TULP3: variants seen among roughly 807,000 people sequenced by gnomAD.
The protein encoded by TULP3 is tubby-related protein 3.
TULP3 carries 38 observed loss-of-function variants against 50.7 expected under a neutral mutation model. The ratio of observed to expected loss-of-function variants is 0.75; its 90% CI spans 0.58 to 0.98. The LOEUF (loss-of-function observed/expected upper bound fraction) is 0.98, where lower values mean the gene tolerates loss of function less well. Ranked by LOEUF, TULP3 falls within the 50% of genes least tolerant of loss-of-function variation. The probability of loss-of-function intolerance (pLI) is 0.00; values close to 1 mark genes in which losing one functional copy is unlikely to be tolerated. For synonymous variants in TULP3, 183 were observed against 196.6 expected (o/e 0.93, Z 0.58); for missense variants, 550 against 568.0 (o/e 0.97, Z 0.32).
chr12:2,898,396 C>T (rs2098176814), intron 1 of TULP3, among the ~76,000 whole-genome samples: 1 of 152,090 alleles, frequency 6.6e-6, no homozygotes, highest in Admixed American at 6.6e-5. Context: ...AACTGCTGGA[C>T]TTAAGCCATC....
At chr12:2,925,997 T>C (rs1408319616) in intron 4 of TULP3, among the ~76,000 whole-genome samples, 3 of 152,210 alleles carry the variant, frequency 2.0e-5, no homozygotes, top group Non-Finnish European at 2.9e-5. Flanking sequence ...TTTGATTAAA[T>C]TCTAAGAAGT....
intron 4 of TULP3, among the ~76,000 whole-genome samples, chr12:2,926,869 TG>T (rs2098194991): frequency 6.6e-6 from 1 of 152,202 alleles, no homozygotes; most frequent in Admixed American, 6.5e-5. Context: ...ATCGCGCCAT[TG>T]CACTCCAGTC....
intron 4 of TULP3, among the ~76,000 whole-genome samples, chr12:2,927,692 T>C (rs1187003299): frequency 2.6e-5 from 4 of 152,132 alleles, no homozygotes; most frequent in Admixed American, 6.5e-5. Context: ...GTCTTATCCT[T>C]GTGTTCTTCA....
chr12:2,919,969 G>A (rs2098190745), intron 2 of TULP3, among the ~76,000 whole-genome samples: 1 of 151,134 alleles, frequency 6.6e-6, no homozygotes, highest in African/African-American at 2.4e-5. Flanking sequence ...TTAGAACATG[G>A]AAATAATTTG....
chr12:2,915,579 G>A (rs10848741), intron 2 of TULP3, among the ~76,000 whole-genome samples: 2 of 148,412 alleles, frequency 1.3e-5, no homozygotes, highest in African/African-American at 2.5e-5. Flanking sequence ...TCGTTCTGTC[G>A]CCAGGCTGGA....
intron 1 of TULP3, among the ~76,000 whole-genome samples, chr12:2,902,454 G>A (rs191453587): frequency 5.5e-4 from 84 of 152,302 alleles, no homozygotes; most frequent in Admixed American, 1.8e-3. Context: ...TTAGCCTCCT[G>A]CATCAGTGGC....
At chr12:2,913,357 C>T (rs1260443388) in intron 2 of TULP3, among the ~76,000 whole-genome samples, 1 of 151,588 alleles carries the variant, frequency 6.6e-6, no homozygotes, top group Non-Finnish European at 1.5e-5. Context: ...AAGCGATCCT[C>T]CCACCCCAGC....
Position 2,933,429 on chromosome 12 carries a change from T to C in TULP3, c.708T>C (p.Leu236=). 6.2e-7 allele frequency: 1 copy of C among 1,612,252 alleles called. No individual in the cohort carries two copies. Among genetic ancestry groups the C allele is most frequent in the Non-Finnish European group, 8.5e-7 (1 of 1,178,430 alleles). Residue 236 remains leucine, a synonymous_variant, in exon 7 of 11, where the codon CTT becomes CTC. Transcript: ENST00000448120. The part of the protein sequence containing the change: ...EKEENQKIFL[L]AARKRKKSKT... ...TTTTCTTTTCCCAGATATTTCTTCTTGCAGCTAGAAAGCGGAAAAAGAGCA... is the reference window on the plus strand; with the variant it reads ...TTTTCTTTTCCCAGATATTTCTTCTCGCAGCTAGAAAGCGGAAAAAGAGCA...
intron 2 of TULP3, among the ~76,000 whole-genome samples, chr12:2,910,219 GGAGGCGGAGCTTGCAGT>G (rs1220330756): frequency 6.6e-6 from 1 of 152,244 alleles, no homozygotes; most frequent in South Asian, 2.1e-4. Flanking sequence ...CGTGAACCCA[GGAGGCGGAGCTTGCAGT>G]GAGGCGGAGC....
chr12:2,893,326 T>TG (rs1565494501), intron 1 of TULP3, among the ~76,000 whole-genome samples: 3 of 125,370 alleles, frequency 2.4e-5, no homozygotes, highest in South Asian at 2.6e-4. Flanking sequence ...GTGTTTAATG[T>TG]GTTTTTTTTT....
At position 2,920,899 on chromosome 12, in the gene TULP3, C is replaced by T. The variant is rs1291676947; in HGVS notation, c.230C>T (p.Pro77Leu). The change falls in exon 3 of 11, where the codon CCC (proline) becomes CTC (leucine). Residue 77 changes from proline to leucine, a missense_variant. Pro to Leu is a moderately conservative substitution (Grantham distance 98, BLOSUM62 -3). Transcript: ENST00000448120. ...ACTCCCTTGGTGAACTGTCATACTC[C>T]CCACAGCAATGTCATCTTACATGGT... ...EQTPLVNCHTPHSNVILHGID... is the reference protein window; with the variant it reads ...EQTPLVNCHTLHSNVILHGID... 1 of 1,614,096 alleles carries T rather than the reference C, an allele frequency of 6.2e-7. No homozygotes were observed. Among genetic ancestry groups the T allele is most frequent in the South Asian group, 1.1e-5 (1 of 91,070 alleles).
intron 2 of TULP3, among the ~76,000 whole-genome samples, chr12:2,915,702 G>A (rs1295450210): frequency 1.3e-5 from 2 of 151,796 alleles, no homozygotes; most frequent in Non-Finnish European, 2.9e-5. Context: ...ATGCCTCCAC[G>A]CCCAGCTAAT....
chr12:2,939,315 T>C lies in TULP3; in HGVS notation c.1200T>C (p.Asp400=), dbSNP rs757699470. Residue 400 remains aspartate (D), a synonymous_variant, in exon 11 of 11, where the codon GAT becomes GAC. Transcript: ENST00000448120. The surrounding 1 kb of genome is among the most constrained non-coding windows in gnomAD (Gnocchi z 4.0). ...TTGATTTCTTTCTGTTTCTAGCTGA[T>C]TATATAGTCATGCAGTTTGGACGTG... ...NFQIVHKNDP[D]YIVMQFGRVA... 1 of 1,613,834 alleles carries C rather than the reference T, an allele frequency of 6.2e-7. No homozygotes were observed. The highest frequency in any genetic ancestry group is 2.2e-5 in the East Asian group (1 of 44,900).
At chr12:2,929,637 C>G in intron 4 of TULP3, among the ~76,000 whole-genome samples, 1 of 151,872 alleles carries the variant, frequency 6.6e-6, no homozygotes. Flanking sequence ...GTCTCCCAGG[C>G]TATAGTACAG....
intron 1 of TULP3, among the ~76,000 whole-genome samples, chr12:2,893,567 C>T (rs1343144218): frequency 2.0e-5 from 3 of 151,776 alleles, no homozygotes; most frequent in Admixed American, 6.6e-5. Context: ...GGGATTCGCC[C>T]GCCTCGGCCT....
intron 1 of TULP3, among the ~76,000 whole-genome samples, chr12:2,908,440 T>TTG (rs372840971): frequency 6.0e-4 from 91 of 152,100 alleles, no homozygotes; most frequent in Middle Eastern, 6.8e-3. Context: ...TTTTTTCTGT[T>TTG]TGTTTGTTTT....
intron 2 of TULP3, 119 bp downstream of exon 2, chr12:2,909,699 G>T: frequency 9.2e-7 from 1 of 1,083,694 alleles, no homozygotes; most frequent in Non-Finnish European, 1.4e-6. Context: ...GAGAAGGCTC[G>T]GGTGGTTACC....
rs2098203750 is a variant in TULP3, at chr12:2,939,973, A to G, written c.*529A>G. On this transcript the variant is annotated 3_prime_UTR_variant, in exon 11 of 11. Transcript: ENST00000448120. This position sits in a 1 kb window ranked among gnomAD's most constrained non-coding sequence, Gnocchi z 4.0. ...TCATGTGCTTGGAAACTTGCAGTAG[A>G]ATCAGGGACTGACATCGCAGTTCCT... 1 of 1,277,304 alleles carries G rather than the reference A, an allele frequency of 7.8e-7. No homozygotes were observed. The allele number at this position is 1,277,304 out of a possible 1,614,324, so 79.1% of individuals were successfully genotyped here.
intron 1 of TULP3, among the ~76,000 whole-genome samples, chr12:2,907,101 G>C (rs910990209): frequency 6.6e-6 from 1 of 151,888 alleles, no homozygotes; most frequent in African/African-American, 2.4e-5. Flanking sequence ...ACTTTGGGAA[G>C]CCGAGGTGGG....
Sources: allele counts gnomAD v4.1 joint callset (sites outside exome capture counted in the v4.1 genomes callset), GRCh38; gene constraint gnomAD v4.1.1; non-coding constraint Gnocchi (gnomAD v3.1); transcripts MANE v1.5; gene names NCBI Gene and HGNC (gene_info 2026-07-23, HGNC 2026-07-21).